The following EBF1 variants were observed in gnomAD, a reference collection of about 807,000 sequenced individuals.
EBF1 encodes transcription factor COE1.
Under a neutral mutation model 68.4 loss-of-function variants are expected in EBF1, and 10 were observed. The ratio of observed to expected loss-of-function variants is 0.15; its 90% CI spans 0.09 to 0.25. EBF1 has a LOEUF of 0.25. Ranked by LOEUF, EBF1 falls within the 10% of genes least tolerant of loss-of-function variation. The probability of loss-of-function intolerance (pLI) is 1.00; values close to 1 mark genes in which losing one functional copy is unlikely to be tolerated. For missense variants in EBF1, 509 were observed against 794.4 expected, an observed-to-expected ratio of 0.64 and a Z score of 4.32; for synonymous variants, 298 against 299.8, an observed-to-expected ratio of 0.99 and a Z score of 0.06.
chr5:158,755,630 C>T (rs1414268350), intron 10 of EBF1, among the ~76,000 whole-genome samples: 1 of 152,060 alleles, frequency 6.6e-6, no homozygotes, highest in African/African-American at 2.4e-5. Flanking sequence ...GAAAGAAATA[C>T]AGGGATTGGG....
At chr5:158,778,401 A>G (rs542257044) in intron 9 of EBF1, among the ~76,000 whole-genome samples, 2 of 152,212 alleles carry the variant, frequency 1.3e-5, no homozygotes, top group South Asian at 4.2e-4. Context: ...TTCTCTTTCT[A>G]TGGGATTCTG....
At chr5:159,061,617 G>C (rs1406507424) in intron 6 of EBF1, among the ~76,000 whole-genome samples, 2 of 152,200 alleles carry the variant, frequency 1.3e-5, no homozygotes, top group Non-Finnish European at 2.9e-5. Flanking sequence ...GGAGGTCCGA[G>C]ATGCGATTAG....
intron 8 of EBF1, among the ~76,000 whole-genome samples, chr5:158,817,774 C>T (rs897326161): frequency 1.3e-5 from 2 of 152,222 alleles, no homozygotes; most frequent in African/African-American, 2.4e-5. Context: ...TACCTCTCCT[C>T]TCTATTCACA....
At chr5:158,782,383 G>A (rs944345464) in intron 9 of EBF1, among the ~76,000 whole-genome samples, 7 of 152,260 alleles carry the variant, frequency 4.6e-5, no homozygotes, top group Middle Eastern at 3.4e-3. Context: ...ACTTGGCCTG[G>A]TGTGGTGGCT....
intron 11 of EBF1, among the ~76,000 whole-genome samples, chr5:158,723,910 T>C (rs1236644476): frequency 1.3e-5 from 2 of 152,186 alleles, no homozygotes; most frequent in African/African-American, 2.4e-5. Context: ...GGCATTTGTG[T>C]GTGCATGTTC....
chr5:158,714,116 C>T lies in EBF1; in HGVS notation c.1191+1G>A. The T allele has an allele frequency of 1.9e-6, 3 of 1,614,216 alleles. No individual in the cohort carries two copies. Among genetic ancestry groups the T allele is most frequent in the Non-Finnish European group, 2.5e-6 (3 of 1,180,026 alleles). ...ACAGGCTAGACACCCACAGCGCTCA[C>T]CTGGTTGTTGTGTGGCATCCCATAC... On this transcript the variant is annotated splice_donor_variant, in intron 12 of 15. Coordinates refer to ENST00000313708, the MANE Select transcript of EBF1 (RefSeq NM_024007.5). LOFTEE classifies it high-confidence loss of function.
At chr5:158,946,553 T>C (rs1814764671) in intron 6 of EBF1, among the ~76,000 whole-genome samples, 1 of 152,212 alleles carries the variant, frequency 6.6e-6, no homozygotes, top group Non-Finnish European at 1.5e-5. Context: ...TTCCTTCCTC[T>C]GGAAGCTTCA....
intron 6 of EBF1, among the ~76,000 whole-genome samples, chr5:158,999,311 CA>C (rs1222201692): frequency 1.6e-4 from 24 of 152,188 alleles, no homozygotes; most frequent in Admixed American, 1.6e-3. Context: ...ATAAAAATCC[CA>C]AATTTTCTTC....
chr5:158,957,484 A>G (rs1330156315), intron 6 of EBF1, among the ~76,000 whole-genome samples: 1 of 152,262 alleles, frequency 6.6e-6, no homozygotes, highest in Non-Finnish European at 1.5e-5. Flanking sequence ...AGCTAAATGT[A>G]GAAAACAATA....
intron 6 of EBF1, chr5:158,941,338 C>T: frequency 2.3e-6 from 1 of 443,260 alleles, no homozygotes; most frequent in Non-Finnish European, 4.5e-6. Flanking sequence ...AGCAAGAACC[C>T]AGCTTTTCAG....
intron 4 of EBF1, 36 bp downstream of exon 4, chr5:159,095,583 CA>C: frequency 6.2e-7 from 1 of 1,611,978 alleles, no homozygotes; most frequent in Non-Finnish European, 8.5e-7. Context: ...AATTTTGTGA[CA>C]TAGAGCCCCC....
chr5:158,726,833 T>C (rs567117818), intron 11 of EBF1, among the ~76,000 whole-genome samples: 1 of 152,306 alleles, frequency 6.6e-6, no homozygotes, highest in South Asian at 2.1e-4. Flanking sequence ...TTTGAATGAA[T>C]GGTAGTTTTC....
intron 6 of EBF1, among the ~76,000 whole-genome samples, chr5:158,873,647 G>T (rs548167377): frequency 2.0e-4 from 31 of 152,212 alleles, no homozygotes; most frequent in Non-Finnish European, 4.1e-4. Flanking sequence ...CTAAATTTTG[G>T]CTAGATACTG....
At position 158,948,868 on chromosome 5, in the gene EBF1, C is replaced by T. The variant is rs973236913; in HGVS notation, c.555-108758G>A. Among the ~76,000 whole-genome samples, 39 of 152,166 alleles carry T rather than the reference C, an allele frequency of 2.6e-4. 1 individual carries two copies. Among genetic ancestry groups the T allele is most frequent in the South Asian group, 2.1e-4 (1 of 4,826 alleles). On this transcript the variant is annotated intron_variant, in intron 6 of 15. Coordinates refer to ENST00000313708, the MANE Select transcript of EBF1 (RefSeq NM_024007.5). The stretch of plus-strand genomic sequence containing the variant: ...CTCCCCTACTTCATTCCCTGCCTCC[C>T]GCCCCTCAGTTTATTTTAATTATAC...
At chr5:158,786,892 A>G (rs1406502537) in intron 9 of EBF1, among the ~76,000 whole-genome samples, 6 of 152,212 alleles carry the variant, frequency 3.9e-5, no homozygotes, top group Non-Finnish European at 8.8e-5. Flanking sequence ...ACCTTTCACC[A>G]AAAGACTTGT....
intron 6 of EBF1, among the ~76,000 whole-genome samples, chr5:158,969,959 T>A (rs780569482): frequency 6.9e-6 from 1 of 145,392 alleles, no homozygotes; most frequent in Admixed American, 6.9e-5. Context: ...AAACTTCAAA[T>A]GCCTACAATG....
intron 6 of EBF1, among the ~76,000 whole-genome samples, chr5:159,060,609 A>G (rs1775603029): frequency 6.6e-6 from 1 of 152,032 alleles, no homozygotes; most frequent in African/African-American, 2.4e-5. Context: ...AGTATTTTGT[A>G]CAGTCAAATA....
intron 9 of EBF1, among the ~76,000 whole-genome samples, chr5:158,778,834 T>C (rs549430970): frequency 6.6e-6 from 1 of 152,324 alleles, no homozygotes; most frequent in East Asian, 1.9e-4. Context: ...TATCTTGTAA[T>C]ATAAAAAAGC....
chr5:158,805,509 A>G (rs1404812820), intron 8 of EBF1, among the ~76,000 whole-genome samples: 1 of 152,140 alleles, frequency 6.6e-6, no homozygotes, highest in Non-Finnish European at 1.5e-5. Flanking sequence ...ATTCAGCAAT[A>G]AAAACATAGA....
Sources: allele counts gnomAD v4.1 joint callset (sites outside exome capture counted in the v4.1 genomes callset), GRCh38; gene constraint gnomAD v4.1.1; transcripts MANE v1.5; gene names NCBI Gene and HGNC (gene_info 2026-07-23, HGNC 2026-07-21).